Variants in METTL27 observed in about 807,000 individuals in gnomAD.
METTL27 encodes the protein methyltransferase-like protein 27.
In METTL27, 29 loss-of-function variants were observed where a neutral mutation model predicts 24.5. The observed-to-expected ratio is 1.18, with a 90% confidence interval of 0.88 to 1.61. METTL27 has a LOEUF of 1.61. Ranked by LOEUF, METTL27 falls within the 40% of genes most tolerant of loss-of-function variation. The probability of loss-of-function intolerance (pLI) is 0.00; values close to 1 mark genes in which losing one functional copy is unlikely to be tolerated. For synonymous variants in METTL27, 138 were observed against 146.8 expected (o/e 0.94, Z 0.43); for missense variants, 341 against 324.3 (o/e 1.05, Z -0.40).
chr7:73,839,938 G>T (rs1788301413), intron 5 of METTL27, 93 bp downstream of exon 5: 21 of 1,231,320 alleles, frequency 1.7e-5, no homozygotes, highest in South Asian at 1.5e-5. Flanking sequence ...CCCTCGCTTA[G>T]CCTGAGGGGC....
At position 73,840,093 on chromosome 7, in the gene METTL27, C is replaced by T. The variant is rs993093915; in HGVS notation, c.416G>A (p.Gly139Asp). ...GGGCACCTGGCCGTCACTGAGGGCACCGACTATCAGCACCGCGTCGAAGGT... is the reference window on the plus strand; with the variant it reads ...GGGCACCTGGCCGTCACTGAGGGCATCGACTATCAGCACCGCGTCGAAGGT... ...EGTFDAVLIVGALSDGQVPCN... is the reference protein window; with the variant it reads ...EGTFDAVLIVDALSDGQVPCN... Residue 139 changes from glycine to aspartate, a missense_variant, in exon 5 of 6, where the codon GGT becomes GAT. Transcript: ENST00000297873. The T allele has an allele frequency of 5.0e-6, 8 of 1,608,764 alleles. No individual in the cohort carries two copies. The highest frequency in any genetic ancestry group is 6.8e-6 in the Non-Finnish European group (8 of 1,178,372).
chr7:73,836,129 G>C (rs1554635141), intron 5 of METTL27, among the ~76,000 whole-genome samples: 1 of 113,946 alleles, frequency 8.8e-6, no homozygotes, highest in African/African-American at 2.9e-5. Flanking sequence ...CGGGAGGGAG[G>C]TGGGGGGGTC....
intron 4 of METTL27, 74 bp downstream of exon 4, chr7:73,840,340 A>G (rs1554636098): frequency 1.3e-6 from 2 of 1,541,764 alleles, no homozygotes; most frequent in Non-Finnish European, 1.8e-6. Flanking sequence ...AGTGTGGGAG[A>G]GGGATGGAGG....
intron 2 of METTL27, 70 bp downstream of exon 2, chr7:73,841,948 C>T: frequency 6.2e-7 from 1 of 1,612,388 alleles, no homozygotes; most frequent in South Asian, 1.1e-5. Context: ...GGGTGCAAGG[C>T]TGATTCCCCA....
At chr7:73,837,306 T>TAAATAAA in intron 5 of METTL27, among the ~76,000 whole-genome samples, 1 of 60,466 alleles carries the variant, frequency 1.7e-5, no homozygotes, top group Non-Finnish European at 4.1e-5. Flanking sequence ...AATAAATAAA[T>TAAATAAA]TTAAAAAAAA....
chr7:73,839,545 G>A (rs1264320779), intron 5 of METTL27: 1 of 155,498 alleles, frequency 6.4e-6, no homozygotes, highest in Non-Finnish European at 1.4e-5. Context: ...CATCTCCCCT[G>A]AGCAGCCCCA....
At chr7:73,837,273 T>A (rs1788235071) in intron 5 of METTL27, among the ~76,000 whole-genome samples, 1 of 113,596 alleles carries the variant, frequency 8.8e-6, no homozygotes, top group Non-Finnish European at 1.9e-5. Context: ...ACCCAAGAAT[T>A]ATCAATAAAA....
chr7:73,840,133 G>GA lies in METTL27; in HGVS notation c.389-14_389-13insT. ...GCGTCGAAGGTCCCTGTGTGTGTGTGGGGGGGGGTGGGGACATGGTGTGAT... is the reference window on the plus strand; with the variant it reads ...GCGTCGAAGGTCCCTGTGTGTGTGTGAGGGGGGGGTGGGGACATGGTGTGAT... On this transcript the variant is annotated splice_polypyrimidine_tract_variant and intron_variant, in intron 4 of 5. Coordinates refer to ENST00000297873, the MANE Select transcript of METTL27 (RefSeq NM_152559.3). 1.6e-6 allele frequency: 2 copies of GA among 1,244,240 alleles called. No individual in the cohort carries two copies. The highest frequency in any genetic ancestry group is 1.5e-5 in the South Asian group (1 of 66,272). 77.1% of individuals were successfully genotyped at this position (1,244,240 alleles called of 1,614,324 possible).
intron 5 of METTL27, chr7:73,839,728 A>G (rs1788297041): frequency 1.1e-5 from 4 of 348,938 alleles, no homozygotes; most frequent in Admixed American, 8.7e-5. Context: ...CTGCAGTCCT[A>G]CGGGGACTGG....
chr7:73,837,725 G>A (rs1385882406), intron 5 of METTL27, among the ~76,000 whole-genome samples: 2 of 152,050 alleles, frequency 1.3e-5, no homozygotes, highest in Non-Finnish European at 2.9e-5. Flanking sequence ...CACCACGCCC[G>A]GCTATTTTGT....
At chr7:73,836,533 G>A (rs1788204816) in intron 5 of METTL27, among the ~76,000 whole-genome samples, 1 of 56,482 alleles carries the variant, frequency 1.8e-5, no homozygotes, top group Non-Finnish European at 3.5e-5. Context: ...AGGGAGGTGG[G>A]GGGGTCAGCC....
chr7:73,842,097 C>T lies in METTL27; in HGVS notation c.44G>A (p.Arg15Gln), dbSNP rs373208904. ...EGGSLPEVRA[R>Q]VRAAHGIPDL... ...GGGGATGCCATGCGCGGCCCTGACCCGCGCCCGCACCTCGGGCAGGCTCCC... is the reference window on the plus strand; with the variant it reads ...GGGGATGCCATGCGCGGCCCTGACCTGCGCCCGCACCTCGGGCAGGCTCCC... The change falls in exon 2 of 6, where the codon CGG (arginine) becomes CAG (glutamine). Residue 15 changes from arginine to glutamine, a missense_variant. Transcript: ENST00000297873. The T allele has an allele frequency of 9.9e-6, 16 of 1,613,530 alleles. No homozygotes were observed. The highest frequency in any genetic ancestry group is 1.4e-5 in the Non-Finnish European group (16 of 1,179,958).
Position 73,840,099 on chromosome 7 carries a change from A to G in METTL27, c.410T>C (p.Ile137Thr), listed in dbSNP as rs2130555987. 2 of 1,505,810 alleles carry G rather than the reference A, an allele frequency of 1.3e-6. No homozygotes were observed. The highest frequency in any genetic ancestry group is 2.3e-5 in the South Asian group (2 of 88,850). 93.3% of individuals were successfully genotyped at this position (1,505,810 alleles called of 1,614,324 possible). A position where few individuals can be genotyped will look rare whatever the true frequency, so the allele number is the denominator to read the frequency against. The change falls in exon 5 of 6, where the codon ATA (isoleucine) becomes ACA (threonine). Residue 137 changes from isoleucine to threonine, a missense_variant. Ile to Thr is a moderately conservative substitution (Grantham distance 89). Coordinates refer to ENST00000297873, the MANE Select transcript of METTL27 (RefSeq NM_152559.3). ...SPEGTFDAVL[I>T]VGALSDGQVP... Reference sequence around the variant, plus strand: ...CTGGCCGTCACTGAGGGCACCGACTATCAGCACCGCGTCGAAGGTCCCTGT... The same window carrying G: ...CTGGCCGTCACTGAGGGCACCGACTGTCAGCACCGCGTCGAAGGTCCCTGT...
intron 5 of METTL27, 98 bp downstream of exon 5, chr7:73,839,933 G>A (rs544055118): frequency 3.5e-5 from 41 of 1,160,866 alleles, no homozygotes; most frequent in African/African-American, 3.4e-4. Flanking sequence ...GCTGCCCCTC[G>A]CTTAGCCTGA....
intron 5 of METTL27, among the ~76,000 whole-genome samples, chr7:73,836,512 C>A (rs1788202716): frequency 2.0e-5 from 2 of 101,440 alleles, no homozygotes. Context: ...CGGCCAGCCG[C>A]CCCATCCGGG....
chr7:73,836,509 C>G (rs1554635294), intron 5 of METTL27, among the ~76,000 whole-genome samples: 1 of 123,818 alleles, frequency 8.1e-6, no homozygotes, highest in African/African-American at 3.3e-5. Context: ...GCCCGGCCAG[C>G]CGCCCCATCC....
intron 5 of METTL27, among the ~76,000 whole-genome samples, chr7:73,835,782 G>C (rs1172541677): frequency 2.2e-5 from 2 of 89,322 alleles, no homozygotes; most frequent in African/African-American, 7.2e-5. Flanking sequence ...ACCTCTGCCC[G>C]GCCGCCATCA....
rs781909950 is a variant in METTL27, at chr7:73,842,188, C to T, written c.-4-44G>A. ...CCTGTCTCGAGGTCCACCTCAATCG[C>T]CCATCCCCTCCTTTCCCCCTTCCCT... is the stretch of plus-strand genomic sequence containing the variant. On this transcript the variant is annotated intron_variant, in intron 1 of 5. Transcript: ENST00000297873. The T allele has an allele frequency of 2.6e-5, 40 of 1,564,330 alleles. 1 individual carries two copies. In the South Asian group the frequency reaches 4.2e-4, roughly 17 times the overall value.
rs373239412 is a variant in METTL27 at position 73,841,156 on chromosome 7, C to T, written c.166G>A (p.Asp56Asn). 8.0e-5 allele frequency: 124 copies of T among 1,548,334 alleles called. 1 individual carries two copies. The highest frequency in any genetic ancestry group is 4.9e-4 in the Admixed American group (22 of 45,104). Residue 56 changes from aspartate (D) to asparagine (N), a missense_variant, in exon 3 of 6, where the codon GAC becomes AAC. Asp to Asn is a conservative substitution (Grantham distance 23). Coordinates refer to ENST00000297873, the MANE Select transcript of METTL27 (RefSeq NM_152559.3). ...LLYRAPRLAV[D>N]CLTQALPGPP... Reference sequence around the variant, plus strand: ...CCTGGAAGGGCTTGTGTGAGGCAGTCCACTGCGAGGCGGGGCGCACGGTAC... The same window carrying T: ...CCTGGAAGGGCTTGTGTGAGGCAGTTCACTGCGAGGCGGGGCGCACGGTAC...
Sources: gnomAD v4.1 joint callset for allele counts (sites outside exome capture counted in the v4.1 genomes callset) on GRCh38, gnomAD v4.1.1 for gene constraint, MANE v1.5 for transcripts, NCBI Gene and HGNC (gene_info 2026-07-23, HGNC 2026-07-21) for gene names.